PDZD7: variants seen among roughly 807,000 people sequenced by gnomAD.
PDZD7 encodes the protein PDZ domain containing 7.
PDZD7 carries 72 observed loss-of-function variants against 84.7 expected under a neutral mutation model. That is an observed-to-expected ratio of 0.85 (90% CI 0.70 to 1.03). The LOEUF (loss-of-function observed/expected upper bound fraction) is 1.03. PDZD7 is among the 50% of genes least tolerant of loss of function. PDZD7 has a pLI of 0.00. For missense variants in PDZD7, 1,490 were observed against 1,412.9 expected (o/e 1.05, Z -0.87); for synonymous variants, 594 against 580.7 (o/e 1.02, Z -0.33).
chr10:101,023,665 C>A, intron 3 of PDZD7, 55 bp from the exon 4 acceptor site: 1 of 1,590,510 alleles, frequency 6.3e-7, no homozygotes, highest in East Asian at 2.2e-5. Context: ...GGCTGAGCCT[C>A]CCCCATCAGA....
At chr10:101,022,867 G>A (rs1590067829) in intron 4 of PDZD7, among the ~76,000 whole-genome samples, 1 of 152,016 alleles carries the variant, frequency 6.6e-6, no homozygotes, top group African/African-American at 2.4e-5. Flanking sequence ...CCGCCTCCCA[G>A]GTTCAAGTGA....
At chr10:101,013,593 G>A (rs934364190) in intron 11 of PDZD7, among the ~76,000 whole-genome samples, 6 of 152,216 alleles carry the variant, frequency 3.9e-5, no homozygotes, top group African/African-American at 1.4e-4. Context: ...CGTGGCCATG[G>A]GGTCCATGAA....
rs1039708723 is a variant in PDZD7 at position 101,008,415 on chromosome 10, G to C, written c.*52C>G. 4.8e-6 allele frequency: 7 copies of C among 1,456,426 alleles called. No homozygotes were observed. The highest frequency in any genetic ancestry group is 5.5e-6 in the Non-Finnish European group (6 of 1,100,686). 90.2% of individuals were successfully genotyped at this position (1,456,426 alleles called of 1,614,324 possible). ...TGAAGAAGTTGGTAGGAGAGGTCCT[G>C]GGGATAACGGGATGCTGGAGTCAGT... On this transcript the variant is annotated 3_prime_UTR_variant, in exon 17 of 17. Coordinates refer to ENST00000619208, the MANE Select transcript of PDZD7 (RefSeq NM_001195263.2).
chr10:101,026,387 G>A (rs530437459), intron 2 of PDZD7, among the ~76,000 whole-genome samples: 8 of 151,700 alleles, frequency 5.3e-5, no homozygotes, highest in South Asian at 2.1e-4. Context: ...CACCTGCCTC[G>A]GCCTCCCAAA....
At position 101,008,194 on chromosome 10, in the gene PDZD7, T is replaced by C. The variant is rs1852282226; in HGVS notation, c.*273A>G. 2.0e-6 allele frequency: 1 copy of C among 488,748 alleles called. No individual in the cohort carries two copies. The highest frequency in any genetic ancestry group is 3.6e-6 in the Non-Finnish European group (1 of 277,838). The allele number at this position is 488,748 out of a possible 1,614,324, so 30.3% of individuals were successfully genotyped here. A position where few individuals can be genotyped will look rare whatever the true frequency, so the allele number is the denominator to read the frequency against. On this transcript the variant is annotated 3_prime_UTR_variant, in exon 17 of 17. Transcript: ENST00000619208. Reference sequence around the variant, plus strand: ...CCCACCAATCCCAAGCTCCAGACCTTGGCTTTCTCACCCCCTATCCTGGCT... The same window carrying C: ...CCCACCAATCCCAAGCTCCAGACCTCGGCTTTCTCACCCCCTATCCTGGCT...
intron 4 of PDZD7, among the ~76,000 whole-genome samples, chr10:101,022,898 A>G (rs1853201340): frequency 6.6e-6 from 1 of 151,734 alleles, no homozygotes; most frequent in South Asian, 2.1e-4. Flanking sequence ...TCAACCTCTC[A>G]AGTAGCTGGG....
chr10:101,024,986 A>G (rs1465614495), intron 2 of PDZD7, among the ~76,000 whole-genome samples: 2 of 151,508 alleles, frequency 1.3e-5, no homozygotes, highest in African/African-American at 4.9e-5. Context: ...TCTATGGGGG[A>G]TGGTTGAGGG....
Position 101,017,556 on chromosome 10 carries a change from T to TA in PDZD7, c.1522+542dup. On this transcript the variant is annotated intron_variant, in intron 9 of 16. Coordinates refer to ENST00000619208, the MANE Select transcript of PDZD7 (RefSeq NM_001195263.2). ...TAGCACTTTGGGAGACTAAGGCGGG[T>TA]AGATAGCTTCAGTCCAGGAATTTGA... 4.3e-6 allele frequency: 3 copies of TA among 699,634 alleles called. 1 individual carries two copies. Among genetic ancestry groups the TA allele is most frequent in the Non-Finnish European group, 7.8e-6 (3 of 383,846 alleles). 43.3% of individuals were successfully genotyped at this position (699,634 alleles called of 1,614,324 possible). A position where few individuals can be genotyped will look rare whatever the true frequency, so the allele number is the denominator to read the frequency against.
chr10:101,020,897 T>C (rs987793582), intron 6 of PDZD7, among the ~76,000 whole-genome samples: 1 of 152,214 alleles, frequency 6.6e-6, no homozygotes, highest in African/African-American at 2.4e-5. Flanking sequence ...GACCCTGAGA[T>C]ACAGGGGCCT....
chr10:101,027,775 A>T (rs1564643245), intron 2 of PDZD7, among the ~76,000 whole-genome samples: 1 of 152,116 alleles, frequency 6.6e-6, no homozygotes, highest in Non-Finnish European at 1.5e-5. Context: ...CATGGTGGGG[A>T]CTTCGTAATA....
At chr10:101,020,744 C>T (rs1056168423) in intron 6 of PDZD7, 66 bp from the exon 7 acceptor site, 24 of 1,184,716 alleles carry the variant, frequency 2.0e-5, no homozygotes, top group African/African-American at 7.5e-5. Flanking sequence ...GAGAATGGGG[C>T]GGGGGTGACA....
chr10:101,017,875 G>GAAAGAAAGA (rs1852761564), intron 9 of PDZD7: 1 of 410,052 alleles, frequency 2.4e-6, no homozygotes, highest in Non-Finnish European at 4.2e-6. Flanking sequence ...AAGAAAGAAA[G>GAAAGAAAGA]AAAGAAAGAA....
intron 2 of PDZD7, among the ~76,000 whole-genome samples, chr10:101,028,372 G>A (rs1937844096): frequency 6.6e-6 from 1 of 152,180 alleles, no homozygotes; most frequent in South Asian, 2.1e-4. Flanking sequence ...AAGATCACTT[G>A]AGCCTAGGAG....
chr10:101,026,717 A>G (rs1937727470), intron 2 of PDZD7, among the ~76,000 whole-genome samples: 1 of 144,656 alleles, frequency 6.9e-6, no homozygotes, highest in East Asian at 2.0e-4. Context: ...ACACACTTCA[A>G]TTTGATCTAA....
At position 101,011,756 on chromosome 10, in the gene PDZD7, G is replaced by A. The variant is rs1845907298; in HGVS notation, c.1939C>T (p.Pro647Ser). Residue 647 changes from proline to serine, a missense_variant, in exon 14 of 17, where the codon CCT (proline) becomes TCT (serine). Transcript: ENST00000619208. ...TGCCGGGCTGGTCTCAAAGCAGGAG[G>A]CCGGACTGGTTGGAGAGATGAACAG... The part of the protein sequence containing the change: ...FEALKSRAVR[P>S]PALRPARQDT... 6.5e-7 allele frequency: 1 copy of A among 1,549,182 alleles called. No individual in the cohort carries two copies. The highest frequency in any genetic ancestry group is 1.2e-5 in the South Asian group (1 of 84,074).
rs1429368410 is a variant in PDZD7 at position 101,023,525 on chromosome 10, C to T, written c.453G>A (p.Lys151=). The change falls in exon 4 of 17, where the codon AAG becomes AAA. Residue 151 remains lysine, a synonymous_variant. Coordinates refer to ENST00000619208, the MANE Select transcript of PDZD7 (RefSeq NM_001195263.2). ...LESTTMGSAV[K]VLTSSSRLHM... is the part of the protein sequence containing the mutation. ...GCAGGCGGCTGCTGCTGGTCAGCAC[C>T]TTTACGGCGCTACCCATGGTGGTGC... is the stretch of plus-strand genomic sequence containing the variant. 3 of 1,614,134 alleles carry T rather than the reference C, an allele frequency of 1.9e-6. No homozygotes were observed. Among genetic ancestry groups the T allele is most frequent in the Non-Finnish European group, 2.5e-6 (3 of 1,180,030 alleles).
At chr10:101,019,679 G>A (rs1321137616) in intron 7 of PDZD7, among the ~76,000 whole-genome samples, 1 of 149,238 alleles carries the variant, frequency 6.7e-6, no homozygotes, top group East Asian at 2.0e-4. Context: ...TGACTGGAGT[G>A]CAGTGATGTG....
intron 9 of PDZD7, among the ~76,000 whole-genome samples, chr10:101,016,641 CAG>C (rs1852643498): frequency 6.6e-6 from 1 of 152,108 alleles, no homozygotes; most frequent in South Asian, 2.1e-4. Context: ...TGGATCAAAA[CAG>C]GGTGCAGTCT....
rs536348228 is a variant in PDZD7 at position 101,019,062 on chromosome 10, C to T, written c.1084G>A (p.Gly362Ser). ...GQEEPGSRGPGWGRADTAMQT... is the reference protein window; with the variant it reads ...GQEEPGSRGPSWGRADTAMQT... ...ATGGCTGTGTCCGCCCGCCCCCAGC[C>T]TGGGCCGCGGCTGCCGGGCTCCTCC... The change falls in exon 8 of 17, where the codon GGC (glycine) becomes AGC (serine). Residue 362 changes from glycine (G) to serine (S), a missense_variant. Coordinates refer to ENST00000619208, the MANE Select transcript of PDZD7 (RefSeq NM_001195263.2). The T allele has an allele frequency of 1.3e-6, 2 of 1,577,492 alleles. No homozygotes were observed. The highest frequency in any genetic ancestry group is 1.8e-5 in the Admixed American group (1 of 56,168).
Sources: allele counts gnomAD v4.1 joint callset (sites outside exome capture counted in the v4.1 genomes callset), GRCh38; gene constraint gnomAD v4.1.1; transcripts MANE v1.5; gene names NCBI Gene and HGNC (gene_info 2026-07-23, HGNC 2026-07-21).